GAB3: variants seen among roughly 807,000 people sequenced by gnomAD.
GAB3 encodes the protein GRB2-associated-binding protein 3.
Under a neutral mutation model 40.4 loss-of-function variants are expected in GAB3, and 12 were observed. The ratio of observed to expected loss-of-function variants is 0.30; its 90% CI spans 0.19 to 0.48. GAB3 has a LOEUF of 0.48. Ranked by LOEUF, GAB3 falls within the 20% of genes least tolerant of loss-of-function variation. The pLI is 0.99. For missense variants in GAB3, 381 were observed against 461.9 expected (o/e 0.82, Z 1.61); for synonymous variants, 154 against 176.7 (o/e 0.87, Z 1.02).
intron 1 of GAB3, among the ~76,000 whole-genome samples, chrX:154,746,813 T>G (rs1320598274): frequency 8.9e-6 from 1 of 112,048 alleles, no homozygotes; most frequent in Non-Finnish European, 1.9e-5. Flanking sequence ...ATCCTAAAAT[T>G]GCCATAGAAA....
chrX:154,703,330 A>C (rs1423970714), intron 4 of GAB3, among the ~76,000 whole-genome samples: 1 of 112,541 alleles, frequency 8.9e-6, no homozygotes, highest in Non-Finnish European at 1.9e-5. Flanking sequence ...ATAAAAAATA[A>C]TGAGATCATG....
chrX:154,689,302 C>T (rs1306125093), intron 8 of GAB3, among the ~76,000 whole-genome samples: 1 of 109,895 alleles, frequency 9.1e-6, no homozygotes, highest in Non-Finnish European at 1.9e-5. Context: ...AACCCACAGC[C>T]AATATCATAC....
intron 9 of GAB3, 91 bp from the exon 10 acceptor site, chrX:154,678,385 G>A: frequency 1.9e-6 from 1 of 535,293 alleles, no homozygotes; most frequent in Non-Finnish European, 3.2e-6. Context: ...TTAAATATTT[G>A]TTGCCCTTTC....
chrX:154,713,599 T>C (rs1272959325), intron 2 of GAB3, among the ~76,000 whole-genome samples, 173 bp from the exon 3 acceptor site: 1 of 105,884 alleles, frequency 9.4e-6, no homozygotes, highest in Non-Finnish European at 1.9e-5. Context: ...AGAAGGCCAA[T>C]GTTTCAAGAG....
chrX:154,751,084 G>A (rs1223354288), upstream of GAB3: 6 of 764,287 alleles, frequency 7.9e-6, no homozygotes, highest in East Asian at 6.7e-4. Context: ...GAAGGAAGTC[G>A]GGCCAAGGAT....
rs1259559332 is a variant in GAB3 at position 154,677,817 on chromosome X, T to G, written c.*361A>C. 1 of 252,724 alleles carries G rather than the reference T, an allele frequency of 4.0e-6. No homozygotes were observed. Among genetic ancestry groups the G allele is most frequent in the African/African-American group, 2.8e-5 (1 of 35,297 alleles). 20.8% of individuals were successfully genotyped at this position (252,724 alleles called of 1,213,427 possible). A position where few individuals can be genotyped will look rare whatever the true frequency, so the allele number is the denominator to read the frequency against. ...CCAGAGGCCCCTTTGCTAGGATAATTTATCATTCTCATTGAAGCACAGGAG... is the reference window on the plus strand; with the variant it reads ...CCAGAGGCCCCTTTGCTAGGATAATGTATCATTCTCATTGAAGCACAGGAG... On this transcript the variant is annotated 3_prime_UTR_variant, in exon 10 of 10. Coordinates refer to ENST00000424127, the MANE Select transcript of GAB3 (RefSeq NM_001081573.3).
chrX:154,699,593 A>G (rs1164428521), intron 5 of GAB3, 80 bp from the exon 6 acceptor site: 1 of 814,381 alleles, frequency 1.2e-6, no homozygotes, highest in Admixed American at 3.2e-5. Flanking sequence ...AGCTGTACAT[A>G]TGGTTTCAGT....
At chrX:154,685,610 A>C (rs1400404216) in intron 8 of GAB3, among the ~76,000 whole-genome samples, 2 of 111,581 alleles carry the variant, frequency 1.8e-5, no homozygotes, top group African/African-American at 3.2e-5. Flanking sequence ...AAGAAAAAAA[A>C]CAAAAAAAAC....
At chrX:154,726,709 T>C (rs1247602951) in intron 1 of GAB3, among the ~76,000 whole-genome samples, 1 of 111,848 alleles carries the variant, frequency 8.9e-6, no homozygotes, top group African/African-American at 3.3e-5. Flanking sequence ...TTTTATTTCA[T>C]GGCCACTTAA....
At position 154,690,428 on chromosome X, in the gene GAB3, A is replaced by C. The variant is rs782641738; in HGVS notation, c.1530+5489T>G. On this transcript the variant is annotated intron_variant, in intron 8 of 9. Coordinates refer to ENST00000424127, the MANE Select transcript of GAB3 (RefSeq NM_001081573.3). ...CAAAATTGACAAATCGGAACTAATTAAACTAAAGAGCTTCTGCACAGCAAA... is the reference window on the plus strand; with the variant it reads ...CAAAATTGACAAATCGGAACTAATTCAACTAAAGAGCTTCTGCACAGCAAA... Among the ~76,000 whole-genome samples the C allele has an allele frequency of 9.8e-5, 11 of 112,140 alleles. No homozygotes were observed. The South Asian group carries it at 2.9e-3, about 30-fold the overall frequency.
Position 154,716,402 on chromosome X carries a change from T to C in GAB3, c.73-73A>G, listed in dbSNP as rs782318465. On this transcript the variant is annotated intron_variant, in intron 1 of 9. Transcript: ENST00000424127. ...TTTCTCAGGCTATGCCAAGAACCCA[T>C]GTCATGACAAGGACAGCAGGAAGGA... is the stretch of plus-strand genomic sequence containing the variant. 8 of 967,141 alleles carry C rather than the reference T, an allele frequency of 8.3e-6. No individual in the cohort carries two copies. The East Asian group carries it at 2.5e-4, about 30-fold the overall frequency. The allele number at this position is 967,141 out of a possible 1,213,427, so 79.7% of individuals were successfully genotyped here.
At chrX:154,679,711 G>T (rs1426805727) in intron 9 of GAB3, among the ~76,000 whole-genome samples, 1 of 111,495 alleles carries the variant, frequency 9.0e-6, no homozygotes, top group Non-Finnish European at 1.9e-5. Flanking sequence ...AGGGGTAGCT[G>T]CCCAACTCAG....
intron 8 of GAB3, among the ~76,000 whole-genome samples, chrX:154,691,377 C>T (rs1164792893): frequency 9.2e-6 from 1 of 108,212 alleles, no homozygotes; most frequent in South Asian, 4.1e-4. Flanking sequence ...ATGTAACTAA[C>T]CTGCACATTG....
chrX:154,689,613 ACAC>A (rs1557248802), intron 8 of GAB3, among the ~76,000 whole-genome samples: 1 of 111,195 alleles, frequency 9.0e-6, no homozygotes, highest in Non-Finnish European at 1.9e-5. Flanking sequence ...GCATTCTTAT[ACAC>A]CAACAACAGA....
chrX:154,744,272 T>C (rs1240901607), intron 1 of GAB3, among the ~76,000 whole-genome samples: 12 of 101,605 alleles, frequency 1.2e-4, no homozygotes, highest in Middle Eastern at 5.0e-3. Flanking sequence ...AACTCTATGC[T>C]GTATATAAGA....
intron 1 of GAB3, among the ~76,000 whole-genome samples, chrX:154,724,381 A>C (rs2068303749): frequency 9.1e-6 from 1 of 109,767 alleles, no homozygotes; most frequent in African/African-American, 3.4e-5. Context: ...TAAATAAATA[A>C]ATAAAAATAA....
chrX:154,720,487 G>A (rs1224923895), intron 1 of GAB3, among the ~76,000 whole-genome samples: 1 of 110,312 alleles, frequency 9.1e-6, no homozygotes, highest in Admixed American at 9.6e-5. Context: ...TTAGCCGGGC[G>A]AGGTAGTGGG....
At chrX:154,729,516 G>C (rs1037300619) in intron 1 of GAB3, among the ~76,000 whole-genome samples, 1 of 111,882 alleles carries the variant, frequency 8.9e-6, no homozygotes, top group Non-Finnish European at 1.9e-5. Context: ...TGAAGCTAGA[G>C]ATGTGGCAGT....
intron 4 of GAB3, among the ~76,000 whole-genome samples, chrX:154,705,290 A>G (rs1205858859): frequency 8.9e-6 from 1 of 112,018 alleles, no homozygotes; most frequent in Non-Finnish European, 1.9e-5. Flanking sequence ...ACCCAGTGAC[A>G]TGCATTTCCC....
Sources: gnomAD v4.1 joint callset for allele counts (sites outside exome capture counted in the v4.1 genomes callset) on GRCh38, gnomAD v4.1.1 for gene constraint, MANE v1.5 for transcripts, NCBI Gene and HGNC (gene_info 2026-07-23, HGNC 2026-07-21) for gene names.